Variants in TTC28 observed in about 807,000 individuals in gnomAD.
TTC28 encodes tetratricopeptide repeat domain 28, also known as tetratricopeptide repeat protein 28.
A neutral mutation model predicts 198.0 loss-of-function variants in TTC28; 61 were observed. The observed-to-expected ratio is 0.31, with a 90% CI of 0.25 to 0.38. The LOEUF (loss-of-function observed/expected upper bound fraction) is 0.38. Ranked by LOEUF, TTC28 falls within the 10% of genes least tolerant of loss-of-function variation. TTC28 has a pLI of 1.00. For synonymous variants in TTC28, 1,171 were observed against 1,297.8 expected (o/e 0.90, Z 2.10); for missense variants, 2,678 against 3,164.0 (o/e 0.85, Z 3.69).
chr22:28,141,833 CAACCACGA>C (rs1270371390), intron 6 of TTC28, among the ~76,000 whole-genome samples: 8 of 152,150 alleles, frequency 5.3e-5, no homozygotes, highest in Non-Finnish European at 1.0e-4. Context: ...GTTAATTCCA[CAACCACGA>C]AACCTCTTCT....
chr22:28,113,840 G>A (rs1942557373), intron 6 of TTC28, among the ~76,000 whole-genome samples: 1 of 152,148 alleles, frequency 6.6e-6, no homozygotes, highest in Non-Finnish European at 1.5e-5. Flanking sequence ...TTCAATAATG[G>A]AAAATTAAAT....
intron 2 of TTC28, among the ~76,000 whole-genome samples, chr22:28,582,518 A>G (rs766113927): frequency 6.6e-6 from 1 of 152,232 alleles, no homozygotes; most frequent in Non-Finnish European, 1.5e-5. Flanking sequence ...AATAGTAAAT[A>G]TAAACATTAA....
chr22:28,298,496 G>T (rs1306455004), intron 3 of TTC28, among the ~76,000 whole-genome samples: 2 of 152,082 alleles, frequency 1.3e-5, no homozygotes. Context: ...CACCCAGGCT[G>T]GAGTGCAGTG....
intron 5 of TTC28, among the ~76,000 whole-genome samples, chr22:28,221,367 A>G (rs1927847850): frequency 6.6e-6 from 1 of 152,194 alleles, no homozygotes; most frequent in East Asian, 1.9e-4. Context: ...GACTAATTCT[A>G]AATTCCAATA....
At chr22:28,473,484 C>T (rs1165516898) in intron 2 of TTC28, among the ~76,000 whole-genome samples, 1 of 152,146 alleles carries the variant, frequency 6.6e-6, no homozygotes, top group Non-Finnish European at 1.5e-5. Flanking sequence ...AAGTTACCAC[C>T]CCTTTCCATG....
intron 6 of TTC28, among the ~76,000 whole-genome samples, chr22:28,138,466 A>C (rs1943253150): frequency 6.6e-6 from 1 of 152,244 alleles, no homozygotes. Flanking sequence ...AATAAGAGTT[A>C]AAAGTGTAAT....
chr22:28,333,078 C>A (rs2045641833), intron 2 of TTC28, among the ~76,000 whole-genome samples: 1 of 152,062 alleles, frequency 6.6e-6, no homozygotes. Flanking sequence ...AAAAGAGGTA[C>A]TTCAAATATT....
In TTC28 at chr22:28,192,860, C is replaced by A. The variant is rs188253594; in HGVS notation, c.934-29261G>T. Among the ~76,000 whole-genome samples the A allele has an allele frequency of 7.7e-4, 118 of 152,286 alleles. 1 individual carries two copies. The highest frequency in any genetic ancestry group is 3.4e-3 in the Middle Eastern group (1 of 294). On this transcript the variant is annotated intron_variant, in intron 5 of 22. Coordinates refer to ENST00000397906, the MANE Select transcript of TTC28 (RefSeq NM_001145418.2). ...TGAGAGAATGCAAACAAGTTGGAAA[C>A]CACTCTGCAGGATATTTTCCAGGAG...
intron 2 of TTC28, among the ~76,000 whole-genome samples, chr22:28,595,021 TG>T (rs1323900188): frequency 1.3e-5 from 2 of 152,222 alleles, no homozygotes; most frequent in African/African-American, 4.8e-5. Context: ...AAAAAGTCCA[TG>T]TTGTAGGCCT....
chr22:28,104,285 T>C (rs1942236376), intron 8 of TTC28, among the ~76,000 whole-genome samples: 1 of 152,224 alleles, frequency 6.6e-6, no homozygotes, highest in African/African-American at 2.4e-5. Context: ...CTTGACTAAC[T>C]GACTACATGA....
At chr22:28,577,642 C>A (rs1247063167) in intron 2 of TTC28, among the ~76,000 whole-genome samples, 1 of 152,040 alleles carries the variant, frequency 6.6e-6, no homozygotes, top group Non-Finnish European at 1.5e-5. Context: ...TATCTGCATG[C>A]CCCAGTGTTG....
intron 1 of TTC28, among the ~76,000 whole-genome samples, chr22:28,677,865 G>C (rs2052025033): frequency 6.6e-6 from 1 of 152,008 alleles, no homozygotes; most frequent in Non-Finnish European, 1.5e-5. Flanking sequence ...TTGAATTCGG[G>C]AGGTGGAGGT....
At position 28,319,914 on chromosome 22, in the gene TTC28, G is replaced by A. The variant is rs538307277; in HGVS notation, c.382-13271C>T. 2.0e-5 allele frequency among the ~76,000 whole-genome samples: 3 copies of A among 152,264 alleles called. No homozygotes were observed. In the East Asian group the frequency reaches 5.8e-4, roughly 29 times the overall value. ...CTACTTAGAGTAATAATTTTTCATAGACTGCTTTCTGGAAGGAGTATATAG... is the reference window on the plus strand; with the variant it reads ...CTACTTAGAGTAATAATTTTTCATAAACTGCTTTCTGGAAGGAGTATATAG... On this transcript the variant is annotated intron_variant, in intron 2 of 22. Coordinates refer to ENST00000397906, the MANE Select transcript of TTC28 (RefSeq NM_001145418.2).
intron 11 of TTC28, 131 bp from the exon 12 acceptor site, chr22:28,094,376 A>T: frequency 9.3e-7 from 1 of 1,072,300 alleles, no homozygotes; most frequent in Non-Finnish European, 1.3e-6. Flanking sequence ...AAACCCTGTC[A>T]AAAAATCCTG....
At chr22:28,063,483 C>T (rs1467652635) in intron 12 of TTC28, among the ~76,000 whole-genome samples, 1 of 152,184 alleles carries the variant, frequency 6.6e-6, no homozygotes, top group Non-Finnish European at 1.5e-5. Context: ...CCTTTAGGAC[C>T]TTGTGTTCAC....
chr22:28,460,459 T>A (rs946070398), intron 2 of TTC28, among the ~76,000 whole-genome samples: 1 of 152,088 alleles, frequency 6.6e-6, no homozygotes, highest in Non-Finnish European at 1.5e-5. Flanking sequence ...CCAACTCACA[T>A]GAGATAATAC....
At chr22:28,365,294 T>A (rs2046229588) in intron 2 of TTC28, among the ~76,000 whole-genome samples, 1 of 152,236 alleles carries the variant, frequency 6.6e-6, no homozygotes, top group Non-Finnish European at 1.5e-5. Context: ...AACATAACTT[T>A]TATATGCACT....
intron 5 of TTC28, among the ~76,000 whole-genome samples, chr22:28,254,673 A>T (rs1930761505): frequency 6.6e-6 from 1 of 152,174 alleles, no homozygotes; most frequent in Admixed American, 6.5e-5. Context: ...TTAATGTCAG[A>T]TATAACAGCA....
intron 2 of TTC28, among the ~76,000 whole-genome samples, chr22:28,611,505 ATT>A (rs59329098): frequency 0.18 from 14,413 of 81,548 alleles, 802 homozygotes; most frequent in Admixed American, 0.29. Context: ...CTTTTTTTTA[ATT>A]TTTTTTTTTT....
Sources: allele counts gnomAD v4.1 joint callset (sites outside exome capture counted in the v4.1 genomes callset), GRCh38; gene constraint gnomAD v4.1.1; transcripts MANE v1.5; gene names NCBI Gene and HGNC (gene_info 2026-07-23, HGNC 2026-07-21).